Variants in PLIN4 observed in about 807,000 individuals in gnomAD.
PLIN4 encodes the protein perilipin-4.
A neutral mutation model predicts 52.4 loss-of-function variants in PLIN4; 57 were observed. That is an observed-to-expected ratio of 1.09 (90% CI 0.88 to 1.36). The LOEUF is 1.36. Ranked by LOEUF, PLIN4 falls within the 40% of genes most tolerant of loss-of-function variation. PLIN4 has a pLI of 0.00. For synonymous variants in PLIN4, 826 were observed against 785.4 expected (o/e 1.05, Z -0.86); for missense variants, 1,757 against 1,770.3 (o/e 0.99, Z 0.13).
At position 4,510,998 on chromosome 19, in the gene PLIN4, C is replaced by G. The variant is rs74684642; in HGVS notation, c.2962G>C (p.Ala988Pro). ...GTGTCCTTGGTACCCATAAGCACAG[C>G]CTTGGAGGCGTCCACGCCGGTCTGC... ...TVQTGVDASK[A>P]VLMGTKDTVF... Residue 988 changes from alanine (A) to proline (P), a missense_variant, in exon 5 of 8, where the codon GCT becomes CCT. Coordinates refer to ENST00000301286, the MANE Select transcript of PLIN4 (RefSeq NM_001367868.2). 1 of 1,612,194 alleles carries G rather than the reference C, an allele frequency of 6.2e-7. No homozygotes were observed. The highest frequency in any genetic ancestry group is 8.5e-7 in the Non-Finnish European group (1 of 1,179,534).
chr19:4,507,711 C>G lies in PLIN4; in HGVS notation c.3702+1057G>C, dbSNP rs139695308. Among the ~76,000 whole-genome samples the G allele has an allele frequency of 4.3e-3, 662 of 152,190 alleles. 1 individual carries two copies. The highest frequency in any genetic ancestry group is 0.02 in the Middle Eastern group (6 of 294). Reference sequence around the variant, plus strand: ...CTCACTGTCTCCAAAACATAAACCCCTAGAGCAGTCCTGTGAGATTTCTGC... The same window carrying G: ...CTCACTGTCTCCAAAACATAAACCCGTAGAGCAGTCCTGTGAGATTTCTGC... On this transcript the variant is annotated intron_variant, in intron 6 of 7. Transcript: ENST00000301286.
chr19:4,517,718 G>C lies in PLIN4; in HGVS notation c.52-20C>G, dbSNP rs201351204. On this transcript the variant is annotated intron_variant, in intron 2 of 7. Coordinates refer to ENST00000301286, the MANE Select transcript of PLIN4 (RefSeq NM_001367868.2). ...CAGGGTCTGCATGGGGGCGGGGGGTGTGCAGGATGAGCAGGCCAAGCCTCG... is the reference window on the plus strand; with the variant it reads ...CAGGGTCTGCATGGGGGCGGGGGGTCTGCAGGATGAGCAGGCCAAGCCTCG... 3.2e-6 allele frequency: 5 copies of C among 1,568,668 alleles called. No individual in the cohort carries two copies. The highest frequency in any genetic ancestry group is 3.8e-5 in the Admixed American group (2 of 53,204).
intron 4 of PLIN4, among the ~76,000 whole-genome samples, chr19:4,516,046 G>A (rs1224394022): frequency 3.3e-5 from 5 of 152,000 alleles, no homozygotes; most frequent in Non-Finnish European, 7.4e-5. Flanking sequence ...AGGCTGAGGT[G>A]GGTGGATCAC....
chr19:4,507,824 T>A (rs1386266446), intron 6 of PLIN4, among the ~76,000 whole-genome samples: 1 of 151,918 alleles, frequency 6.6e-6, no homozygotes, highest in East Asian at 1.9e-4. Flanking sequence ...GCTGCTCAGC[T>A]CCCTGCAGGG....
intron 5 of PLIN4, 136 bp downstream of exon 5, chr19:4,510,310 G>A (rs1355563756): frequency 1.9e-6 from 2 of 1,031,040 alleles, no homozygotes; most frequent in Admixed American, 8.2e-5. Context: ...AGCTTGCAGT[G>A]AACCGAGATC....
At chr19:4,507,919 G>C (rs369983630) in intron 6 of PLIN4, among the ~76,000 whole-genome samples, 1 of 152,096 alleles carries the variant, frequency 6.6e-6, no homozygotes, top group East Asian at 1.9e-4. Context: ...GGAAGAGAGC[G>C]GGGCCAGTGG....
Position 4,510,438 on chromosome 19 carries a change from C to T in PLIN4, c.3514+8G>A, listed in dbSNP as rs1178335281. On this transcript the variant is annotated splice_region_variant and intron_variant, in intron 5 of 7. Transcript: ENST00000301286. The stretch of plus-strand genomic sequence containing the variant: ...CTCAGGGACCCATGAACCCAGGCGT[C>T]CCCTCACCTTGCTCCTCCGCATTCA... 2 of 1,407,790 alleles carry T rather than the reference C, an allele frequency of 1.4e-6. No homozygotes were observed. The highest frequency in any genetic ancestry group is 5.4e-5 in the Admixed American group (2 of 36,840). 87.2% of individuals were successfully genotyped at this position (1,407,790 alleles called of 1,614,324 possible).
rs1380686652 is a variant in PLIN4, at chr19:4,511,270, G to A, written c.2690C>T (p.Ala897Val). 1.2e-6 allele frequency: 2 copies of A among 1,610,210 alleles called. No homozygotes were observed. Among genetic ancestry groups the A allele is most frequent in the Non-Finnish European group, 1.7e-6 (2 of 1,177,772 alleles). Residue 897 changes from alanine to valine, a missense_variant, in exon 5 of 8, where the codon GCC becomes GTC. By Grantham distance (64) the Ala-to-Val change is moderately conservative. Around this residue, in one of 7 missense-constraint regions of PLIN4, gnomAD observed 76 missense variants for 109.1 expected, o/e 0.70. Coordinates refer to ENST00000301286, the MANE Select transcript of PLIN4 (RefSeq NM_001367868.2). ...AGCCCCTGTGAGCCCAGTGGACACG[G>A]CATCTTTAGTGCCAGTCAGGACAGA... ...TKSVLTGTKD[A>V]VSTGLTGAVN...
chr19:4,504,298 G>T lies in PLIN4; in HGVS notation c.*161C>A, dbSNP rs1034454948. ...GGCGTGGGGTGGCTCAGTTAAGAAGGTCACTGCCTCCGCAGCCCCTCGGCG... is the reference window on the plus strand; with the variant it reads ...GGCGTGGGGTGGCTCAGTTAAGAAGTTCACTGCCTCCGCAGCCCCTCGGCG... On this transcript the variant is annotated 3_prime_UTR_variant, in exon 8 of 8. Coordinates refer to ENST00000301286, the MANE Select transcript of PLIN4 (RefSeq NM_001367868.2). 2 of 719,712 alleles carry T rather than the reference G, an allele frequency of 2.8e-6. No individual in the cohort carries two copies. The highest frequency in any genetic ancestry group is 1.8e-5 in the African/African-American group (1 of 55,928). The allele number at this position is 719,712 out of a possible 1,614,324, so 44.6% of individuals were successfully genotyped here.
rs753872027 is a variant in PLIN4, at chr19:4,513,579, G to A, written c.381C>T (p.Thr127=). Reference sequence around the variant, plus strand: ...TGGTGCCCGTAAGTGCAGACCGAGTGGTGTCCAGGCCTCCCTGGACCACTC... The same window carrying A: ...TGGTGCCCGTAAGTGCAGACCGAGTAGTGTCCAGGCCTCCCTGGACCACTC... The part of the protein sequence containing the change: ...AKGVVQGGLD[T]TRSALTGTKE... The change falls in exon 5 of 8, where the codon ACC becomes ACT. Residue 127 remains threonine (T), a synonymous_variant. Coordinates refer to ENST00000301286, the MANE Select transcript of PLIN4 (RefSeq NM_001367868.2). 6.9e-6 allele frequency: 11 copies of A among 1,605,226 alleles called. No homozygotes were observed. The highest frequency in any genetic ancestry group is 1.3e-5 in the African/African-American group (1 of 74,730).
intron 6 of PLIN4, among the ~76,000 whole-genome samples, chr19:4,505,345 G>A (rs1336768456): frequency 1.3e-5 from 2 of 152,102 alleles, no homozygotes; most frequent in African/African-American, 4.8e-5. Context: ...TCTGCCCTCC[G>A]GCCACTCCAG....
rs751348034 is a variant in PLIN4 at position 4,504,785 on chromosome 19, C to T, written c.3790G>A (p.Glu1264Lys). 8.7e-6 allele frequency: 14 copies of T among 1,600,550 alleles called. No individual in the cohort carries two copies. In the South Asian group the frequency reaches 1.4e-4, roughly 16 times the overall value. ...CTGGACAGAACCCCGGCATCCCGCT[C>T]CTGTGGGAGGAAGGCGCAAGGTGAG... ...ASAEDAAVQE[E>K]RDAGVLSRVC... The change falls in exon 8 of 8, where the codon GAG (glutamate) becomes AAG (lysine). Residue 1264 changes from glutamate to lysine, a missense_variant and splice_region_variant. By Grantham distance (56) the Glu-to-Lys change is moderately conservative. This residue lies in a region of PLIN4 where 712 missense variants were observed against 637.1 expected (regional missense o/e 1.12). Transcript: ENST00000301286.
rs986774663 is a variant in PLIN4, at chr19:4,502,500, T to C, written c.*1959A>G. On this transcript the variant is annotated 3_prime_UTR_variant, in exon 8 of 8. Coordinates refer to ENST00000301286, the MANE Select transcript of PLIN4 (RefSeq NM_001367868.2). ...CGAGGCTGGGGGGTTTGATGCTTCC[T>C]GCATCTGGCAGCCCAGGGTCCAGGC... The C allele has an allele frequency of 3.6e-6, 1 of 276,936 alleles. No individual in the cohort carries two copies. 17.2% of individuals were successfully genotyped at this position (276,936 alleles called of 1,614,324 possible).
chr19:4,511,995 C>T lies in PLIN4; in HGVS notation c.1965G>A (p.Thr655=), dbSNP rs114809174. The T allele has an allele frequency of 2.9e-3, 4,611 of 1,607,282 alleles. 269 individuals are homozygous for T. The African/African-American group carries it at 0.056, about 19-fold the overall frequency. Reference sequence around the variant, plus strand: ...TTGTACCTGTCGCGATATTTTGGGTCGTTTTCAGCCCAGTTTGCACAGCCC... The same window carrying T: ...TTGTACCTGTCGCGATATTTTGGGTTGTTTTCAGCCCAGTTTGCACAGCCC... ...AKGAVQTGLK[T]TQNIATGTKN... is the part of the protein sequence containing the mutation. Residue 655 remains threonine, a synonymous_variant, in exon 5 of 8, where the codon ACG becomes ACA. Transcript: ENST00000301286.
At position 4,511,045 on chromosome 19, in the gene PLIN4, A is replaced by T. The variant is rs376010298; in HGVS notation, c.2915T>A (p.Val972Glu). The change falls in exon 5 of 8, where the codon GTG becomes GAG. Residue 972 changes from valine (V) to glutamate (E), a missense_variant. By Grantham distance (121) the Val-to-Glu change is moderately radical. Around this residue, in one of 7 missense-constraint regions of PLIN4, gnomAD observed 712 missense variants for 637.1 expected, o/e 1.12. Coordinates refer to ENST00000301286, the MANE Select transcript of PLIN4 (RefSeq NM_001367868.2). The part of the protein sequence containing the change: ...DAVTTGVTGA[V>E]NVAKGTVQTG... ...CTGCACGGTTCCTTTGGCCACATTC[A>T]CTGCCCCCGTGACTCCAGTAGTCAC... 6 of 1,613,024 alleles carry T rather than the reference A, an allele frequency of 3.7e-6. No homozygotes were observed. In the African/African-American group the frequency reaches 8.0e-5, roughly 22 times the overall value.
chr19:4,511,176 C>T lies in PLIN4; in HGVS notation c.2784G>A (p.Lys928=). The change falls in exon 5 of 8, where the codon AAG becomes AAA. Residue 928 remains lysine (K), a synonymous_variant. Coordinates refer to ENST00000301286, the MANE Select transcript of PLIN4 (RefSeq NM_001367868.2). ...CAGTGACTCCACTGCAGACGGTGTCCTTGGTACCGGTCAGGACAGTCTTGC... is the reference window on the plus strand; with the variant it reads ...CAGTGACTCCACTGCAGACGGTGTCTTTGGTACCGGTCAGGACAGTCTTGC... ...DTSKTVLTGT[K]DTVCSGVTGA... is the part of the protein sequence containing the mutation. 1.9e-6 allele frequency: 3 copies of T among 1,612,260 alleles called. No homozygotes were observed. The highest frequency in any genetic ancestry group is 2.5e-6 in the Non-Finnish European group (3 of 1,178,908).
At position 4,502,389 on chromosome 19, in the gene PLIN4, C is replaced by T. The variant is rs1975941524; in HGVS notation, c.*2070G>A. The stretch of plus-strand genomic sequence containing the variant: ...CCCTGAAAGGCCAGTGGCAGGAGAG[C>T]TGGGCGGGAGCAAGCTCTTCCCAGG... On this transcript the variant is annotated 3_prime_UTR_variant, in exon 8 of 8. Coordinates refer to ENST00000301286, the MANE Select transcript of PLIN4 (RefSeq NM_001367868.2). 2.8e-6 allele frequency: 1 copy of T among 352,342 alleles called. No individual in the cohort carries two copies. Among genetic ancestry groups the T allele is most frequent in the Non-Finnish European group, 5.3e-6 (1 of 187,772 alleles). The allele number at this position is 352,342 out of a possible 1,614,324, so 21.8% of individuals were successfully genotyped here.
At chr19:4,508,344 C>A (rs910426212) in intron 6 of PLIN4, among the ~76,000 whole-genome samples, 11 of 152,216 alleles carry the variant, frequency 7.2e-5, no homozygotes, top group African/African-American at 2.7e-4. Flanking sequence ...GCAACCTCCG[C>A]CTCCCGGGTT....
chr19:4,503,164 C>T lies in PLIN4; in HGVS notation c.*1295G>A, dbSNP rs986157462. ...CACGGCCCCTGGTGCACACGGTGACCCCTGGGGCCCCTCCACCCTTCCTCC... is the reference window on the plus strand; with the variant it reads ...CACGGCCCCTGGTGCACACGGTGACTCCTGGGGCCCCTCCACCCTTCCTCC... On this transcript the variant is annotated 3_prime_UTR_variant, in exon 8 of 8. Coordinates refer to ENST00000301286, the MANE Select transcript of PLIN4 (RefSeq NM_001367868.2). The T allele has an allele frequency of 2.0e-5, 3 of 152,290 alleles. No homozygotes were observed. Among genetic ancestry groups the T allele is most frequent in the African/African-American group, 7.2e-5 (3 of 41,438 alleles). The allele number at this position is 152,290 out of a possible 1,614,324, so 9.4% of individuals were successfully genotyped here.
Sources: allele counts gnomAD v4.1 joint callset (sites outside exome capture counted in the v4.1 genomes callset), GRCh38; gene constraint gnomAD v4.1.1; regional missense constraint gnomAD v4.1.1; transcripts MANE v1.5; gene names NCBI Gene and HGNC (gene_info 2026-07-23, HGNC 2026-07-21).